Variants in CAMK1D observed in about 807,000 individuals in gnomAD.
CAMK1D encodes calcium/calmodulin-dependent protein kinase type 1D.
Under a neutral mutation model 47.7 loss-of-function variants are expected in CAMK1D, and 9 were observed. That is an observed-to-expected ratio of 0.19 (90% confidence interval 0.11 to 0.33). The LOEUF is 0.33. Ranked by LOEUF, CAMK1D falls within the 10% of genes least tolerant of loss-of-function variation. The pLI is 1.00. For missense variants in CAMK1D, 291 were observed against 488.7 expected, an observed-to-expected ratio of 0.60 and a Z score of 3.81; for synonymous variants, 184 against 184.9, an observed-to-expected ratio of 0.99 and a Z score of 0.04.
At chr10:12,394,221 G>A (rs1013514704) in intron 1 of CAMK1D, among the ~76,000 whole-genome samples, 5 of 152,190 alleles carry the variant, frequency 3.3e-5, no homozygotes, top group Non-Finnish European at 7.3e-5. Context: ...GGGGCGAGGT[G>A]TAGGGTGGGG....
chr10:12,721,914 G>A (rs1834394172), intron 3 of CAMK1D, among the ~76,000 whole-genome samples: 1 of 152,148 alleles, frequency 6.6e-6, no homozygotes, highest in Admixed American at 6.5e-5. Context: ...AACAGTAGGA[G>A]TTACTGAAAC....
At chr10:12,513,504 A>G (rs1379850948) in intron 1 of CAMK1D, among the ~76,000 whole-genome samples, 1 of 152,096 alleles carries the variant, frequency 6.6e-6, no homozygotes, top group Non-Finnish European at 1.5e-5. Flanking sequence ...GTACTTAATT[A>G]GGCCGGGCGT....
chr10:12,530,209 G>A (rs1198008491), intron 1 of CAMK1D, among the ~76,000 whole-genome samples: 2 of 152,194 alleles, frequency 1.3e-5, no homozygotes, highest in East Asian at 1.9e-4. Flanking sequence ...CGTTGAACCC[G>A]GAGGCTGTTG....
At chr10:12,780,627 T>C (rs2130962696) in intron 5 of CAMK1D, among the ~76,000 whole-genome samples, 1 of 152,344 alleles carries the variant, frequency 6.6e-6, no homozygotes, top group Admixed American at 6.5e-5. Flanking sequence ...TTCCCAGTCC[T>C]TTCGTCTTCA....
chr10:12,545,592 G>C (rs932633616), intron 1 of CAMK1D, among the ~76,000 whole-genome samples: 2 of 151,774 alleles, frequency 1.3e-5, no homozygotes, highest in Non-Finnish European at 2.9e-5. Flanking sequence ...ACGAGGTCAG[G>C]AGATCGAGAC....
At chr10:12,413,189 T>C (rs997063227) in intron 1 of CAMK1D, among the ~76,000 whole-genome samples, 18 of 152,122 alleles carry the variant, frequency 1.2e-4, no homozygotes, top group Non-Finnish European at 1.6e-4. Context: ...CTCAGAAGCT[T>C]ACAGTCATGG....
chr10:12,661,930 G>A (rs1840284680), intron 2 of CAMK1D, among the ~76,000 whole-genome samples: 1 of 152,204 alleles, frequency 6.6e-6, no homozygotes, highest in Non-Finnish European at 1.5e-5. Flanking sequence ...CTTTTAAATA[G>A]TATTATGTGG....
At chr10:12,651,140 C>G (rs897294321) in intron 2 of CAMK1D, among the ~76,000 whole-genome samples, 21 of 152,192 alleles carry the variant, frequency 1.4e-4, no homozygotes, top group African/African-American at 5.1e-4. Context: ...CGTCCTCCCC[C>G]TGAGACAAAT....
chr10:12,526,697 C>T (rs972992563), intron 1 of CAMK1D, among the ~76,000 whole-genome samples: 5 of 152,084 alleles, frequency 3.3e-5, no homozygotes, highest in Non-Finnish European at 5.9e-5. Context: ...GTAGGTGGAT[C>T]GCCTGAGCCC....
At chr10:12,635,787 T>TA (rs45437992) in intron 2 of CAMK1D, among the ~76,000 whole-genome samples, 37,227 of 151,846 alleles carry the variant, frequency 0.25, 4,788 homozygotes, top group South Asian at 0.38. Context: ...CCTTCCCTTC[T>TA]AAAAAAAATG....
chr10:12,587,759 T>C (rs1177436062), intron 2 of CAMK1D, among the ~76,000 whole-genome samples: 1 of 152,186 alleles, frequency 6.6e-6, no homozygotes, highest in Non-Finnish European at 1.5e-5. Flanking sequence ...AAAAATATTT[T>C]CCCCCTTGTC....
At chr10:12,420,306 T>C (rs1588466268) in intron 1 of CAMK1D, among the ~76,000 whole-genome samples, 1 of 152,382 alleles carries the variant, frequency 6.6e-6, no homozygotes, top group East Asian at 1.9e-4. Context: ...ATAGAGCTGG[T>C]GGCAGCTGAT....
chr10:12,616,726 C>T (rs1296889457), intron 2 of CAMK1D, among the ~76,000 whole-genome samples: 1 of 152,150 alleles, frequency 6.6e-6, no homozygotes, highest in African/African-American at 2.4e-5. Context: ...ACCTTGTTAG[C>T]CAGGATGGTC....
At chr10:12,675,028 C>G (rs1470853589) in intron 3 of CAMK1D, among the ~76,000 whole-genome samples, 1 of 115,086 alleles carries the variant, frequency 8.7e-6, no homozygotes, top group African/African-American at 3.8e-5. Context: ...GAGACTCCAT[C>G]TCAAAAAAAA....
chr10:12,724,402 CCT>C (rs947232748), intron 3 of CAMK1D, among the ~76,000 whole-genome samples: 13 of 152,160 alleles, frequency 8.5e-5, no homozygotes. Flanking sequence ...CTTTCCGAGT[CCT>C]TGAGTGGGTT....
chr10:12,656,012 G>C (rs897401377), intron 2 of CAMK1D, among the ~76,000 whole-genome samples: 1 of 152,180 alleles, frequency 6.6e-6, no homozygotes, highest in Non-Finnish European at 1.5e-5. Context: ...CTCATTATAA[G>C]TTTAGATTCA....
chr10:12,691,347 TTC>T (rs1363416006), intron 3 of CAMK1D, among the ~76,000 whole-genome samples: 9 of 115,716 alleles, frequency 7.8e-5, no homozygotes, highest in South Asian at 2.7e-4. Context: ...GGCTGAAGTT[TTC>T]TATATATATA....
At chr10:12,589,035 C>T (rs1170405551) in intron 2 of CAMK1D, among the ~76,000 whole-genome samples, 4 of 151,744 alleles carry the variant, frequency 2.6e-5, no homozygotes, top group Non-Finnish European at 5.9e-5. Flanking sequence ...AGGGTCTTGC[C>T]CTGTCTCCCA....
intron 3 of CAMK1D, among the ~76,000 whole-genome samples, chr10:12,691,823 A>G (rs531023729): frequency 1.3e-5 from 2 of 152,254 alleles, no homozygotes; most frequent in South Asian, 4.1e-4. Context: ...AGGGGGAGAA[A>G]GCCTTGAATA....
Sources: allele counts gnomAD v4.1 joint callset (sites outside exome capture counted in the v4.1 genomes callset), GRCh38; gene constraint gnomAD v4.1.1; transcripts MANE v1.5; gene names NCBI Gene and HGNC (gene_info 2026-07-23, HGNC 2026-07-21).